The following ZDHHC24 variants were observed in gnomAD, a reference collection of about 807,000 sequenced individuals.
ZDHHC24 encodes the protein probable palmitoyltransferase ZDHHC24.
A neutral mutation model predicts 23.2 loss-of-function variants in ZDHHC24; 17 were observed. The observed-to-expected ratio is 0.73, with a 90% confidence interval of 0.50 to 1.10. The LOEUF (loss-of-function observed/expected upper bound fraction) is 1.10. Ranked by LOEUF, ZDHHC24 falls within the 50% of genes least tolerant of loss-of-function variation. The probability of loss-of-function intolerance (pLI) is 0.00; values close to 1 mark genes in which losing one functional copy is unlikely to be tolerated. For synonymous variants in ZDHHC24, 186 were observed against 194.5 expected, an observed-to-expected ratio of 0.96 and a Z score of 0.36; for missense variants, 366 against 393.0, an observed-to-expected ratio of 0.93 and a Z score of 0.58.
intron 3 of ZDHHC24, among the ~76,000 whole-genome samples, chr11:66,528,109 A>C (rs1315624656): frequency 2.0e-5 from 3 of 152,082 alleles, no homozygotes; most frequent in African/African-American, 7.2e-5. Flanking sequence ...ACACGCCTGT[A>C]ATCTCCTTAG....
At chr11:66,542,081 G>A (rs1030301908) in intron 2 of ZDHHC24, among the ~76,000 whole-genome samples, 5 of 152,034 alleles carry the variant, frequency 3.3e-5, no homozygotes, top group Non-Finnish European at 5.9e-5. Context: ...AGCTGGGCTC[G>A]GGGAGTTGAG....
At position 66,526,745 on chromosome 11, in the gene ZDHHC24, A is replaced by G. The variant is rs755782127; in HGVS notation, c.*21+191T>C. ...CCACCAGCCCAGGCCATGAAACTCA[A>G]TGTGCCCCGAAAGACCCGGCTTTAC... On this transcript the variant is annotated intron_variant, in intron 4 of 4. Transcript: ENST00000526986. The G allele has an allele frequency of 6.6e-5, 106 of 1,614,210 alleles. No individual in the cohort carries two copies. Among genetic ancestry groups the G allele is most frequent in the Middle Eastern group, 4.9e-4 (3 of 6,062 alleles).
rs1255326825 is a variant in ZDHHC24 at position 66,538,754 on chromosome 11, G to A, written c.*775C>T. On this transcript the variant is annotated 3_prime_UTR_variant, in exon 3 of 3. Transcript: ENST00000310442. ...AAACATTTAACAAGCAGCTCTTGAGGAGGCCAGAGAGGTGCAGGCCTAGCC... is the reference window on the plus strand; with the variant it reads ...AAACATTTAACAAGCAGCTCTTGAGAAGGCCAGAGAGGTGCAGGCCTAGCC... The A allele has an allele frequency of 1.3e-5, 2 of 152,174 alleles. No individual in the cohort carries two copies. The highest frequency in any genetic ancestry group is 2.9e-5 in the Non-Finnish European group (2 of 68,040). 9.4% of individuals were successfully genotyped at this position (152,174 alleles called of 1,614,324 possible).
downstream of ZDHHC24, chr11:66,530,801 T>A (rs1334966627): frequency 3.2e-6 from 5 of 1,550,088 alleles, no homozygotes; most frequent in Non-Finnish European, 4.5e-6. Flanking sequence ...GGAGGGGACA[T>A]GAGGGCATTG....
downstream of ZDHHC24, among the ~76,000 whole-genome samples, chr11:66,530,629 G>C (rs1024184575): frequency 6.6e-6 from 1 of 152,168 alleles, no homozygotes; most frequent in African/African-American, 2.4e-5. Context: ...GGCAGGGGGT[G>C]GGGGTGAGGG....
At chr11:66,540,290 G>A (rs1202589019) in intron 2 of ZDHHC24, among the ~76,000 whole-genome samples, 1 of 151,960 alleles carries the variant, frequency 6.6e-6, no homozygotes, top group African/African-American at 2.4e-5. Flanking sequence ...GTGGTGGCAG[G>A]CGCCTGTAAT....
chr11:66,522,637 C>T (rs566635365), intron 4 of ZDHHC24, among the ~76,000 whole-genome samples: 81 of 152,314 alleles, frequency 5.3e-4, no homozygotes, highest in African/African-American at 1.8e-3. Flanking sequence ...TAAGCCACCA[C>T]ACCCGGCCTA....
intron 4 of ZDHHC24, chr11:66,523,357 TC>T (rs1427928058): frequency 7.3e-5 from 113 of 1,544,906 alleles, no homozygotes; most frequent in Non-Finnish European, 9.8e-5. Flanking sequence ...GGGCCAGTGT[TC>T]CTCCCAGGTG....
At chr11:66,521,348 C>G in exon 5 of ZDHHC24, 7 of 1,614,172 alleles carry the variant, frequency 4.3e-6, no homozygotes, top group Non-Finnish European at 5.9e-6. Context: ...CGCGGCCTGC[C>G]GCAATGGAAA....
chr11:66,530,753 TG>T, downstream of ZDHHC24: 2 of 1,250,120 alleles, frequency 1.6e-6, no homozygotes, highest in Non-Finnish European at 2.3e-6. Flanking sequence ...CTGCCCCTTC[TG>T]GTCTTCTGTG....
chr11:66,531,130 G>A (rs1476310401), downstream of ZDHHC24: 8 of 1,504,494 alleles, frequency 5.3e-6, no homozygotes, highest in African/African-American at 2.8e-5. Flanking sequence ...GAGCGTGCGG[G>A]TGGCTGCCAG....
chr11:66,523,921 T>C (rs757863236), intron 4 of ZDHHC24: 1 of 1,610,014 alleles, frequency 6.2e-7, no homozygotes, highest in Non-Finnish European at 8.5e-7. Flanking sequence ...CACTCCTCCT[T>C]GCCCTCGTCT....
chr11:66,529,264 T>C, intron 3 of ZDHHC24: 2 of 1,527,428 alleles, frequency 1.3e-6, no homozygotes, highest in Non-Finnish European at 1.8e-6. Context: ...ATGTGAGGGG[T>C]GGACCTAGGT....
At chr11:66,531,999 G>A (rs111358560), downstream of ZDHHC24, 61 of 1,608,144 alleles carry the variant, frequency 3.8e-5, no homozygotes, top group Admixed American at 4.4e-4. Context: ...GAGTGCCCAC[G>A]TCAACATGCC....
intron 4 of ZDHHC24, chr11:66,523,407 A>C (rs1372696339): frequency 5.0e-6 from 8 of 1,613,868 alleles, no homozygotes; most frequent in Non-Finnish European, 6.8e-6. Context: ...CAGCCATAGA[A>C]GTGGAGAGGA....
Position 66,543,856 on chromosome 11 carries a change from T to C in ZDHHC24, c.407A>G (p.Tyr136Cys), listed in dbSNP as rs1386350378. ...AAGCAGCAGGCACAGGAAGGGCCGG[T>C]AGTTGCCGAAGCCCACGCAGCGGCC... is the stretch of plus-strand genomic sequence containing the variant. Reference protein sequence around the residue: ...LLGRCVGFGNYRPFLCLLLHA... With the variant: ...LLGRCVGFGNCRPFLCLLLHA... Residue 136 changes from tyrosine (Y) to cysteine (C), a missense_variant, in exon 2 of 3, where the codon TAC becomes TGC. Tyr to Cys is a radical substitution (Grantham distance 194). Transcript: ENST00000310442. 1.2e-6 allele frequency: 2 copies of C among 1,613,716 alleles called. No homozygotes were observed. The highest frequency in any genetic ancestry group is 1.3e-5 in the African/African-American group (1 of 74,906).
chr11:66,525,416 ATT>A (rs113628331), intron 4 of ZDHHC24, among the ~76,000 whole-genome samples: 32,160 of 151,864 alleles, frequency 0.21, 3,827 homozygotes, highest in East Asian at 0.27. Flanking sequence ...AAATAGAAAA[ATT>A]AGCCAAGCAT....
chr11:66,540,717 G>GA (rs60384433), intron 2 of ZDHHC24, among the ~76,000 whole-genome samples: 2,878 of 134,990 alleles, frequency 0.021, 86 homozygotes, highest in African/African-American at 0.066. Flanking sequence ...GACAGAGTGA[G>GA]AAAAAAAAAA....
rs745350025 is a variant in ZDHHC24, at chr11:66,539,650, A to G, written c.734T>C (p.Leu245Pro). Reference sequence around the variant, plus strand: ...CCAGCGGGGCCCCAGGGCTGCCTGCAGGTTGTGGCAGGGACCCAGGTCATA... The same window carrying G: ...CCAGCGGGGCCCCAGGGCTGCCTGCGGGTTGTGGCAGGGACCCAGGTCATA... ...HSYDLGPCHN[L>P]QAALGPRWAL... The change falls in exon 3 of 3, where the codon CTG becomes CCG. Residue 245 changes from leucine (L) to proline (P), a missense_variant. Physicochemically the swap from Leu to Pro is moderately conservative, Grantham distance 98 (BLOSUM62 -3). Transcript: ENST00000310442. 3.7e-6 allele frequency: 6 copies of G among 1,612,340 alleles called. No homozygotes were observed. Among genetic ancestry groups the G allele is most frequent in the Non-Finnish European group, 5.1e-6 (6 of 1,179,658 alleles).
Sources: allele counts gnomAD v4.1 joint callset (sites outside exome capture counted in the v4.1 genomes callset), GRCh38; gene constraint gnomAD v4.1.1; transcripts MANE v1.5; gene names NCBI Gene and HGNC (gene_info 2026-07-23, HGNC 2026-07-21).